The following TRMT11 variants were observed in gnomAD, a reference collection of about 807,000 sequenced individuals.
The protein encoded by TRMT11 is tRNA methyltransferase 11.
TRMT11 carries 53 observed loss-of-function variants against 62.8 expected under a neutral mutation model. The ratio of observed to expected loss-of-function variants is 0.84; its 90% CI spans 0.68 to 1.06. TRMT11 has a LOEUF of 1.06. Among genes scored for constraint, TRMT11 ranks in the 50% least tolerant of loss-of-function variants. The probability of loss-of-function intolerance (pLI) is 0.00; values close to 1 mark genes in which losing one functional copy is unlikely to be tolerated. For missense variants in TRMT11, 556 were observed against 553.4 expected, an observed-to-expected ratio of 1.00 and a Z score of -0.05; for synonymous variants, 188 against 190.3, an observed-to-expected ratio of 0.99 and a Z score of 0.10.
At chr6:126,124,891 A>C (rs1300818652) in intron 21 of TRMT11, among the ~76,000 whole-genome samples, 1 of 152,148 alleles carries the variant, frequency 6.6e-6, no homozygotes, top group East Asian at 1.9e-4. Context: ...AGATAATTAC[A>C]GGGTTTCACC....
the TRMT11 span, among the ~76,000 whole-genome samples, chr6:126,209,643 G>A: frequency 1.3e-5 from 2 of 151,866 alleles, no homozygotes; most frequent in African/African-American, 4.8e-5. Flanking sequence ...GGAGAATGGC[G>A]TGAACTTGGG....
chr6:126,152,429 G>A (rs977877358), intron 21 of TRMT11, among the ~76,000 whole-genome samples: 2 of 152,148 alleles, frequency 1.3e-5, no homozygotes, highest in African/African-American at 4.8e-5. Flanking sequence ...TGTTTGAAAA[G>A]AAGATAAGAC....
rs545715702 is a variant in TRMT11, at chr6:126,035,549, A to G, written c.1261-3156A>G. ...AATAAGAAAATAGCATTTTCTCCCC[A>G]GGAGTTGCATTTCTAAGGTTAATGA... is the stretch of plus-strand genomic sequence containing the variant. On this transcript the variant is annotated intron_variant, in intron 12 of 12. Coordinates refer to ENST00000334379, the MANE Select transcript of TRMT11 (RefSeq NM_001031712.3). Among the ~76,000 whole-genome samples the G allele has an allele frequency of 1.3e-3, 195 of 152,220 alleles. 1 individual carries two copies. Among genetic ancestry groups the G allele is most frequent in the African/African-American group, 4.3e-3 (177 of 41,546 alleles).
chr6:126,061,290 C>T (rs1420949260), intron 17 of TRMT11, among the ~76,000 whole-genome samples: 1 of 152,188 alleles, frequency 6.6e-6, no homozygotes, highest in Non-Finnish European at 1.5e-5. Context: ...AAATATGGTT[C>T]CCAACTCAAA....
intron 12 of TRMT11, among the ~76,000 whole-genome samples, chr6:126,026,231 TTG>T (rs1196810414): frequency 1.2e-4 from 19 of 152,322 alleles, no homozygotes; most frequent in African/African-American, 4.3e-4. Context: ...CTATCCTATT[TTG>T]CTTAAATAGT....
intron 21 of TRMT11, among the ~76,000 whole-genome samples, chr6:126,121,334 G>A (rs1318136860): frequency 2.0e-5 from 3 of 152,094 alleles, no homozygotes; most frequent in African/African-American, 7.2e-5. Flanking sequence ...TCACAAGTAA[G>A]AATAACAATG....
In TRMT11 at chr6:126,013,010, A is replaced by C. The variant is rs1472558230; in HGVS notation, c.1048A>C (p.Ser350Arg). ...HVPVSLSYHL[S>R]DMFLDLLNFA... ...TCCTGTTTCCTTGAGTTATCATCTG[A>C]GTGATATGTTTCTTGACCTGTTAAA... The change falls in exon 11 of 13, where the codon AGT becomes CGT. Residue 350 changes from serine (S) to arginine (R), a missense_variant. Ser to Arg is a moderately radical substitution (Grantham distance 110, BLOSUM62 -1). Transcript: ENST00000334379. 1 of 1,613,628 alleles carries C rather than the reference A, an allele frequency of 6.2e-7. No individual in the cohort carries two copies. The highest frequency in any genetic ancestry group is 1.7e-5 in the Admixed American group (1 of 59,954).
chr6:126,151,612 T>C (rs1297341219), intron 21 of TRMT11, among the ~76,000 whole-genome samples: 1 of 152,188 alleles, frequency 6.6e-6, no homozygotes, highest in African/African-American at 2.4e-5. Context: ...CTCTCTCACC[T>C]TGCCAAATGC....
chr6:126,080,554 G>A (rs886569915), intron 17 of TRMT11, among the ~76,000 whole-genome samples: 3 of 152,256 alleles, frequency 2.0e-5, no homozygotes, highest in South Asian at 2.1e-4. Flanking sequence ...TCATTGCTGC[G>A]AGTAAATACT....
the TRMT11 span, among the ~76,000 whole-genome samples, chr6:126,225,106 G>T: frequency 6.6e-6 from 1 of 152,208 alleles, no homozygotes; most frequent in Non-Finnish European, 1.5e-5. Context: ...AGTCAACAAA[G>T]CCAAAGCTAC....
chr6:125,999,727 G>T, intron 7 of TRMT11, 114 bp downstream of exon 7: 1 of 916,832 alleles, frequency 1.1e-6, no homozygotes, highest in South Asian at 1.9e-5. Flanking sequence ...ATTGTGTTTG[G>T]ATAGTGGCCA....
chr6:126,058,175 A>C (rs1307524243), intron 17 of TRMT11, among the ~76,000 whole-genome samples: 2 of 151,924 alleles, frequency 1.3e-5, no homozygotes, highest in Non-Finnish European at 2.9e-5. Flanking sequence ...CTCATTGTTC[A>C]ACTCCCACTT....
chr6:126,215,524 T>G, the TRMT11 span, among the ~76,000 whole-genome samples: 1 of 152,082 alleles, frequency 6.6e-6, no homozygotes, highest in Non-Finnish European at 1.5e-5. Context: ...CTTTTTTGTT[T>G]TCTATTTGCA....
intron 21 of TRMT11, among the ~76,000 whole-genome samples, chr6:126,152,776 A>G (rs1003369565): frequency 2.6e-5 from 4 of 152,198 alleles, no homozygotes; most frequent in African/African-American, 9.7e-5. Flanking sequence ...GATTGAAGCC[A>G]TGTTGATTTG....
chr6:126,133,721 A>G (rs1036050672), intron 21 of TRMT11, among the ~76,000 whole-genome samples: 4 of 152,012 alleles, frequency 2.6e-5, no homozygotes, highest in Non-Finnish European at 5.9e-5. Flanking sequence ...CATATGCTTT[A>G]GATAGGGTAT....
At chr6:126,109,732 T>C (rs915132509) in intron 17 of TRMT11, among the ~76,000 whole-genome samples, 7 of 152,214 alleles carry the variant, frequency 4.6e-5, no homozygotes, top group African/African-American at 1.7e-4. Context: ...GCCTGGCACA[T>C]ACATTTATAT....
intron 21 of TRMT11, among the ~76,000 whole-genome samples, chr6:126,145,528 T>TCATA (rs1175452382): frequency 1.3e-5 from 2 of 152,126 alleles, no homozygotes; most frequent in Non-Finnish European, 2.9e-5. Flanking sequence ...TTTATCCTTG[T>TCATA]CATAGCCCTG....
At chr6:126,052,462 A>T (rs1469366642) in intron 16 of TRMT11, among the ~76,000 whole-genome samples, 2 of 152,170 alleles carry the variant, frequency 1.3e-5, no homozygotes, top group East Asian at 3.8e-4. Flanking sequence ...AGGCCAGAAT[A>T]TGGGGAAATT....
chr6:126,242,672 A>G, the TRMT11 span, among the ~76,000 whole-genome samples: 2 of 152,222 alleles, frequency 1.3e-5, no homozygotes, highest in African/African-American at 2.4e-5. Context: ...TGACAAAAAC[A>G]AGAAATGGGG....
Sources: allele counts gnomAD v4.1 joint callset (sites outside exome capture counted in the v4.1 genomes callset), GRCh38; gene constraint gnomAD v4.1.1; transcripts MANE v1.5; gene names NCBI Gene and HGNC (gene_info 2026-07-23, HGNC 2026-07-21).